The following HPSE2 variants were observed in gnomAD, a reference collection of about 807,000 sequenced individuals.
HPSE2 encodes inactive heparanase-2.
In HPSE2, 38 loss-of-function variants were observed where a neutral mutation model predicts 60.5. That is an observed-to-expected ratio of 0.63 (90% CI 0.48 to 0.82). The LOEUF is 0.82. HPSE2 is among the 40% of genes least tolerant of loss of function. The pLI is 0.00. For synonymous variants in HPSE2, 295 were observed against 293.2 expected (o/e 1.01, Z -0.06); for missense variants, 713 against 740.4 (o/e 0.96, Z 0.43).
chr10:98,805,775 T>C (rs1297921453), intron 3 of HPSE2, among the ~76,000 whole-genome samples: 1 of 152,190 alleles, frequency 6.6e-6, no homozygotes, highest in East Asian at 1.9e-4. Context: ...TTATGAATTG[T>C]AATTAATTTA....
rs1215387311 is a variant in HPSE2, at chr10:99,126,177, G to C, written c.610+18061C>G. Among the ~76,000 whole-genome samples, 1 of 152,122 alleles carries C rather than the reference G, an allele frequency of 6.6e-6. No individual in the cohort carries two copies. Among genetic ancestry groups the C allele is most frequent in the Non-Finnish European group, 1.5e-5 (1 of 68,008 alleles). On this transcript the variant is annotated intron_variant, in intron 3 of 11. Coordinates refer to ENST00000370552, the MANE Select transcript of HPSE2 (RefSeq NM_021828.5). The surrounding 1 kb of genome is among the most constrained non-coding windows in gnomAD (Gnocchi z 4.0). ...GTGTGGGAGCTGAGTGAGGCCTTTTGCTACCAGCTATGCCCCCACTTCCCT... is the reference window on the plus strand; with the variant it reads ...GTGTGGGAGCTGAGTGAGGCCTTTTCCTACCAGCTATGCCCCCACTTCCCT...
chr10:98,775,099 CA>C (rs1280875884), intron 3 of HPSE2, among the ~76,000 whole-genome samples: 1 of 152,198 alleles, frequency 6.6e-6, no homozygotes, highest in Non-Finnish European at 1.5e-5. Context: ...ACACAGCACA[CA>C]AATTTGATAA....
rs186926650 is a variant in HPSE2 at position 98,491,487 on chromosome 10, G to C, written c.1321-1291C>G. ...TTGTGGGTTTAAGATGCTCAAATTT[G>C]ATTACAATTTCTGTGTTTTTGATGA... is the stretch of plus-strand genomic sequence containing the variant. On this transcript the variant is annotated intron_variant, in intron 9 of 11. Coordinates refer to ENST00000370552, the MANE Select transcript of HPSE2 (RefSeq NM_021828.5). Among the ~76,000 whole-genome samples the C allele has an allele frequency of 5.4e-3, 825 of 152,172 alleles. 6 individuals are homozygous for C. The highest frequency in any genetic ancestry group is 0.019 in the African/African-American group (784 of 41,522).
At chr10:99,174,169 A>G (rs554611526) in intron 2 of HPSE2, among the ~76,000 whole-genome samples, 53 of 152,308 alleles carry the variant, frequency 3.5e-4, no homozygotes, top group African/African-American at 1.2e-3. Flanking sequence ...GGCTTATCCA[A>G]AAATATCCAA....
At chr10:98,525,393 T>A (rs1023816561) in intron 9 of HPSE2, among the ~76,000 whole-genome samples, 6 of 152,152 alleles carry the variant, frequency 3.9e-5, no homozygotes, top group Admixed American at 3.9e-4. Flanking sequence ...CATCACAACA[T>A]CTCCTTCGTC....
chr10:98,498,755 C>T lies in HPSE2; in HGVS notation c.1321-8559G>A, dbSNP rs1941933935. On this transcript the variant is annotated intron_variant, in intron 9 of 11. Coordinates refer to ENST00000370552, the MANE Select transcript of HPSE2 (RefSeq NM_021828.5). ...GTGCAAGGAAATCCAAAAAACAATACAAGAAGTGAAGGGAGAAATATTCAA... is the reference window on the plus strand; with the variant it reads ...GTGCAAGGAAATCCAAAAAACAATATAAGAAGTGAAGGGAGAAATATTCAA... Among the ~76,000 whole-genome samples, 5 of 152,160 alleles carry T rather than the reference C, an allele frequency of 3.3e-5. No individual in the cohort carries two copies. In the South Asian group the frequency reaches 1.0e-3, roughly 32 times the overall value.
chr10:98,682,026 T>A lies in HPSE2; in HGVS notation c.1004+11874A>T, dbSNP rs147833872. On this transcript the variant is annotated intron_variant, in intron 6 of 11. Transcript: ENST00000370552. ...CCTAATCTACCTGACATAGTTTGGA[T>A]GTCCCCTTCAAATCTCCTCTTGAAA... Among the ~76,000 whole-genome samples the A allele has an allele frequency of 2.7e-4, 41 of 152,336 alleles. No homozygotes were observed. In the East Asian group the frequency reaches 6.9e-3, roughly 26 times the overall value.
At chr10:98,515,468 C>G (rs1484515354) in intron 9 of HPSE2, among the ~76,000 whole-genome samples, 1 of 152,032 alleles carries the variant, frequency 6.6e-6, no homozygotes, top group African/African-American at 2.4e-5. Context: ...ACTTTGTAGT[C>G]ACTAGAAATT....
At chr10:99,214,346 A>G (rs1483472910) in intron 2 of HPSE2, among the ~76,000 whole-genome samples, 1 of 152,126 alleles carries the variant, frequency 6.6e-6, no homozygotes, top group African/African-American at 2.4e-5. Flanking sequence ...ATATATTCCT[A>G]CTCCTTGGTA....
chr10:99,240,493 C>G (rs531086623), upstream of HPSE2, among the ~76,000 whole-genome samples: 39 of 150,966 alleles, frequency 2.6e-4, no homozygotes, highest in African/African-American at 9.3e-4. Flanking sequence ...TCACTGCAAG[C>G]TCTGCCTCCC....
At chr10:99,003,102 G>A (rs1412008597) in intron 3 of HPSE2, among the ~76,000 whole-genome samples, 1 of 152,006 alleles carries the variant, frequency 6.6e-6, no homozygotes. Flanking sequence ...ATACTATGCA[G>A]TATTTATCTT....
chr10:98,603,431 G>GTTTTT (rs1466185307), intron 9 of HPSE2, among the ~76,000 whole-genome samples: 350 of 26,820 alleles, frequency 0.013, no homozygotes, highest in Non-Finnish European at 0.055. Context: ...AGAGCACTCT[G>GTTTTT]TTTTTTTGTT....
chr10:98,881,543 T>C (rs965712127), intron 3 of HPSE2, among the ~76,000 whole-genome samples: 3 of 152,036 alleles, frequency 2.0e-5, no homozygotes, highest in Non-Finnish European at 4.4e-5. Context: ...AAACTAGGAT[T>C]TTAGGTGACA....
At chr10:98,740,163 ATTTTC>A (rs148144654) in intron 4 of HPSE2, among the ~76,000 whole-genome samples, 1,843 of 134,674 alleles carry the variant, frequency 0.014, 91 homozygotes, top group East Asian at 0.14. Context: ...TTTGCTTTTG[ATTTTC>A]TTTTCTTTTG....
At chr10:98,470,374 A>C (rs1164597356) in intron 11 of HPSE2, among the ~76,000 whole-genome samples, 1 of 152,136 alleles carries the variant, frequency 6.6e-6, no homozygotes, top group Non-Finnish European at 1.5e-5. Context: ...TAAGCAGGGA[A>C]GGCTAGTCTG....
At chr10:99,285,560 A>C in the HPSE2 span, among the ~76,000 whole-genome samples, 2 of 143,922 alleles carry the variant, frequency 1.4e-5, no homozygotes, top group African/African-American at 2.6e-5. Flanking sequence ...AGGGAGGGGA[A>C]GGGAAAGGTG....
intron 3 of HPSE2, among the ~76,000 whole-genome samples, chr10:98,826,929 C>T (rs1951562326): frequency 6.6e-6 from 1 of 152,094 alleles, no homozygotes; most frequent in African/African-American, 2.4e-5. Flanking sequence ...AGGAGGATCG[C>T]TTGAGACCAG....
intron 3 of HPSE2, among the ~76,000 whole-genome samples, chr10:98,797,534 A>G (rs1950804349): frequency 6.6e-6 from 1 of 152,140 alleles, no homozygotes; most frequent in South Asian, 2.1e-4. Flanking sequence ...TTGGCCTTAA[A>G]GAGGATGCAG....
intron 2 of HPSE2, among the ~76,000 whole-genome samples, chr10:99,182,479 T>C (rs1847814167): frequency 6.6e-6 from 1 of 152,210 alleles, no homozygotes; most frequent in Non-Finnish European, 1.5e-5. Context: ...TGTACTGTTA[T>C]GCTTCCTTTC....
Sources: allele counts gnomAD v4.1 joint callset (sites outside exome capture counted in the v4.1 genomes callset), GRCh38; gene constraint gnomAD v4.1.1; non-coding constraint Gnocchi (gnomAD v3.1); transcripts MANE v1.5; gene names NCBI Gene and HGNC (gene_info 2026-07-23, HGNC 2026-07-21).